The following RNPEP variants were observed in gnomAD, a reference collection of about 807,000 sequenced individuals.
RNPEP encodes the protein aminopeptidase B.
A neutral mutation model predicts 70.1 loss-of-function variants in RNPEP; 57 were observed. That is an observed-to-expected ratio of 0.81 (90% CI 0.66 to 1.01). The LOEUF is 1.01. Among genes scored for constraint, RNPEP ranks in the 50% least tolerant of loss-of-function variants. RNPEP has a pLI of 0.00. For missense variants in RNPEP, 787 were observed against 852.4 expected (o/e 0.92, Z 0.96); for synonymous variants, 335 against 357.4 (o/e 0.94, Z 0.71).
At chr1:201,997,223 A>G in intron 4 of RNPEP, 96 bp from the exon 5 acceptor site, 1 of 890,252 alleles carries the variant, frequency 1.1e-6, no homozygotes, top group Non-Finnish European at 1.9e-6. Context: ...TAGTGACTGC[A>G]TCTGTTAGGG....
At chr1:201,992,485 A>G (rs1683376669) in intron 3 of RNPEP, among the ~76,000 whole-genome samples, 1 of 151,948 alleles carries the variant, frequency 6.6e-6, no homozygotes. Flanking sequence ...CCTTGTCCTC[A>G]TTCATCCTGA....
chr1:201,983,320 A>T, intron 1 of RNPEP: 1 of 1,226,658 alleles, frequency 8.2e-7, no homozygotes, highest in Non-Finnish European at 1.1e-6. Flanking sequence ...TTCCTTCTGG[A>T]CTTCCTCCAG....
At chr1:201,986,540 T>TTTC (rs1558259008) in intron 1 of RNPEP, among the ~76,000 whole-genome samples, 2 of 2,162 alleles carry the variant, frequency 9.3e-4, no homozygotes, top group African/African-American at 4.7e-3. Context: ...TTCTTTCTTT[T>TTTC]TTTTTTTTTT....
intron 8 of RNPEP, 94 bp downstream of exon 8, chr1:202,001,861 T>A: frequency 2.5e-6 from 2 of 808,180 alleles, no homozygotes; most frequent in Middle Eastern, 2.4e-4. Flanking sequence ...GGGAAAACAC[T>A]GGGTCAGAGT....
At chr1:201,998,082 G>A (rs1683633401) in intron 5 of RNPEP, among the ~76,000 whole-genome samples, 1 of 152,030 alleles carries the variant, frequency 6.6e-6, no homozygotes, top group African/African-American at 2.4e-5. Flanking sequence ...TTCTTCTATA[G>A]CTGCATATAT....
chr1:201,986,432 C>CG (rs1222509918), intron 1 of RNPEP, among the ~76,000 whole-genome samples: 1 of 150,952 alleles, frequency 6.6e-6, no homozygotes, highest in African/African-American at 2.4e-5. Context: ...CCAGGTATAG[C>CG]GTAGGATGAC....
At chr1:201,983,907 T>C (rs1683032263) in intron 1 of RNPEP, 1 of 968,672 alleles carries the variant, frequency 1.0e-6, no homozygotes, top group Non-Finnish European at 1.2e-6. Flanking sequence ...GCAAGTTTCA[T>C]AGTAAACTGC....
At position 201,982,891 on chromosome 1, in the gene RNPEP, C is replaced by T. The variant is rs1224444698; in HGVS notation, c.225C>T (p.Ala75=). 3.5e-6 allele frequency: 5 copies of T among 1,421,578 alleles called. No individual in the cohort carries two copies. In the East Asian group the frequency reaches 1.2e-4, roughly 34 times the overall value. The allele number at this position is 1,421,578 out of a possible 1,614,324, so 88.1% of individuals were successfully genotyped here. A position where few individuals can be genotyped will look rare whatever the true frequency, so the allele number is the denominator to read the frequency against. ...TGCGCTGCCTGGAGCCCGAGGGCGC[C>T]GCCGAGCTGCGGCTGGACTCGCACC... ...LDLRCLEPEG[A]AELRLDSHPC... Residue 75 remains alanine, a synonymous_variant, in exon 1 of 11, where the codon GCC becomes GCT. Coordinates refer to ENST00000295640, the MANE Select transcript of RNPEP (RefSeq NM_020216.4).
In RNPEP at chr1:201,983,280, G is replaced by C. The variant is rs1571617003; in HGVS notation, c.447+167G>C. The stretch of plus-strand genomic sequence containing the variant: ...CGCCGCCTCTAGGCCTCCTCCCCTT[G>C]CTTCCTCTTTTCCTCCCGGGCTGCC... On this transcript the variant is annotated intron_variant, in intron 1 of 10. Transcript: ENST00000295640. The C allele has an allele frequency of 4.8e-6, 7 of 1,443,814 alleles. No homozygotes were observed. In the East Asian group the frequency reaches 1.5e-4, roughly 31 times the overall value. The allele number at this position is 1,443,814 out of a possible 1,614,324, so 89.4% of individuals were successfully genotyped here.
Position 201,997,771 on chromosome 1 carries a change from T to TTG in RNPEP, c.1090+218_1090+219insGT, listed in dbSNP as rs1683617346. On this transcript the variant is annotated intron_variant, in intron 5 of 10. Coordinates refer to ENST00000295640, the MANE Select transcript of RNPEP (RefSeq NM_020216.4). The stretch of plus-strand genomic sequence containing the variant: ...AACATTTCCCCAGGTCATTAGTTTT[T>TTG]TTTTTTTTTGAGACAGAGTTTTGCT... Among the ~76,000 whole-genome samples the TTG allele has an allele frequency of 2.0e-5, 3 of 151,564 alleles. No homozygotes were observed. The South Asian group carries it at 6.3e-4, about 32-fold the overall frequency.
intron 9 of RNPEP, among the ~76,000 whole-genome samples, chr1:202,003,728 C>G (rs567698063): frequency 6.6e-6 from 1 of 152,312 alleles, no homozygotes; most frequent in Non-Finnish European, 1.5e-5. Context: ...AGTCACAAAG[C>G]CTGGCATTGC....
Position 201,997,472 on chromosome 1 carries a change from C to T in RNPEP, c.1008C>T (p.Val336=), listed in dbSNP as rs1482802355. ...EISHSWFGNL[V]TNANWGEFWL... ...CCCACAGTTGGTTTGGGAACCTGGT[C>T]ACCAACGCCAACTGGGGTGAATTCT... Residue 336 remains valine (V), a synonymous_variant, in exon 5 of 11, where the codon GTC becomes GTT. Coordinates refer to ENST00000295640, the MANE Select transcript of RNPEP (RefSeq NM_020216.4). 1 of 1,614,116 alleles carries T rather than the reference C, an allele frequency of 6.2e-7. No homozygotes were observed.
Position 201,989,392 on chromosome 1 carries a change from G to A in RNPEP, c.598G>A (p.Gly200Ser). 1.2e-6 allele frequency: 2 copies of A among 1,613,964 alleles called. No homozygotes were observed. ...CTTTCTCTGTTGTCAGGTCCCAGAT[G>A]GCTTCACAGCTGTGATGAGTGCTAG... ...KYSALIEVPD[G>S]FTAVMSASTW... Residue 200 changes from glycine to serine, a missense_variant, in exon 3 of 11, where the codon GGC becomes AGC. Physicochemically the swap from Gly to Ser is moderately conservative, Grantham distance 56. Coordinates refer to ENST00000295640, the MANE Select transcript of RNPEP (RefSeq NM_020216.4).
intron 3 of RNPEP, among the ~76,000 whole-genome samples, chr1:201,993,621 AAAAC>A: frequency 6.6e-6 from 1 of 151,750 alleles, no homozygotes; most frequent in Non-Finnish European, 1.5e-5. Flanking sequence ...ACAAAAAAAA[AAAAC>A]AAACTCGGCC....
chr1:201,989,073 C>T (rs1018529078), intron 2 of RNPEP, 29 bp downstream of exon 2: 1 of 1,596,656 alleles, frequency 6.3e-7, no homozygotes, highest in Non-Finnish European at 8.5e-7. Context: ...GGTGCACCTG[C>T]CCTTGGGATG....
chr1:201,993,649 C>CA (rs1397767791), intron 3 of RNPEP, among the ~76,000 whole-genome samples: 3 of 151,004 alleles, frequency 2.0e-5, no homozygotes, highest in Non-Finnish European at 4.4e-5. Context: ...TGCAGTGGCT[C>CA]ACGCCTGTAG....
intron 6 of RNPEP, 73 bp from the exon 7 acceptor site, chr1:202,001,303 G>A (rs1240859500): frequency 1.9e-6 from 2 of 1,033,144 alleles, no homozygotes; most frequent in Non-Finnish European, 3.0e-6. Flanking sequence ...GTCTTTGACT[G>A]TGGAGCTAGA....
rs996111061 is a variant in RNPEP, at chr1:201,983,118, GTGCGCCCCAGAC to G, written c.447+13_447+24del. 1.4e-6 allele frequency: 2 copies of G among 1,464,182 alleles called. No individual in the cohort carries two copies. Among genetic ancestry groups the G allele is most frequent in the African/African-American group, 2.9e-5 (2 of 69,090 alleles). The allele number at this position is 1,464,182 out of a possible 1,614,324, so 90.7% of individuals were successfully genotyped here. ...CGCGTCGGGGAGGGACCCGGGGTGA[GTGCGCCCCAGAC>G]TGCGCCCGCCGCTGCCTGCCTGCCC... On this transcript the variant is annotated splice_donor_region_variant and intron_variant, in intron 1 of 10. Coordinates refer to ENST00000295640, the MANE Select transcript of RNPEP (RefSeq NM_020216.4).
chr1:201,997,181 C>T (rs868413269), intron 4 of RNPEP, 138 bp from the exon 5 acceptor site: 14 of 679,242 alleles, frequency 2.1e-5, no homozygotes, highest in East Asian at 1.0e-4. Context: ...CTTTATTTTC[C>T]GCACTGGGCC....
Sources: allele counts gnomAD v4.1 joint callset (sites outside exome capture counted in the v4.1 genomes callset), GRCh38; gene constraint gnomAD v4.1.1; transcripts MANE v1.5; gene names NCBI Gene and HGNC (gene_info 2026-07-23, HGNC 2026-07-21).